FAM170B: variants seen among roughly 807,000 people sequenced by gnomAD.
FAM170B encodes protein FAM170B.
A neutral mutation model predicts 3.9 loss-of-function variants in FAM170B; 4 were observed. The ratio of observed to expected loss-of-function variants is 1.01; its 90% confidence interval spans 0.50 to 2.32. FAM170B has a LOEUF of 2.32. Ranked by LOEUF, FAM170B falls within the 30% of genes most tolerant of loss-of-function variation. The probability of loss-of-function intolerance (pLI) is 0.02; values close to 1 mark genes in which losing one functional copy is unlikely to be tolerated. For synonymous variants in FAM170B, 163 were observed against 149.8 expected (o/e 1.09, Z -0.64); for missense variants, 417 against 368.6 (o/e 1.13, Z -1.07).
At position 49,131,499 on chromosome 10, in the gene FAM170B, T is replaced by C; in HGVS notation, c.*114A>G. 1 of 1,404,740 alleles carries C rather than the reference T, an allele frequency of 7.1e-7. No individual in the cohort carries two copies. Among genetic ancestry groups the C allele is most frequent in the Non-Finnish European group, 9.4e-7 (1 of 1,066,692 alleles). The allele number at this position is 1,404,740 out of a possible 1,614,324, so 87.0% of individuals were successfully genotyped here. A position where few individuals can be genotyped will look rare whatever the true frequency, so the allele number is the denominator to read the frequency against. On this transcript the variant is annotated 3_prime_UTR_variant, in exon 2 of 2. Transcript: ENST00000311787. Reference sequence around the variant, plus strand: ...TTGCTCTACACTCCATGCCTTTCCTTCCCCCTGACCCTGGTCCTCTCTCCC... The same window carrying C: ...TTGCTCTACACTCCATGCCTTTCCTCCCCCCTGACCCTGGTCCTCTCTCCC...
At chr10:49,133,746 T>C in intron 1 of FAM170B, 61 bp downstream of exon 1, 1 of 1,413,076 alleles carries the variant, frequency 7.1e-7, no homozygotes, top group Non-Finnish European at 9.8e-7. Flanking sequence ...TCCCTTCCCA[T>C]CAGGGCTTCC....
chr10:49,132,271 T>G lies in FAM170B; in HGVS notation c.194A>C (p.Asp65Ala), dbSNP rs1845198372. Residue 65 changes from aspartate (D) to alanine (A), a missense_variant, in exon 2 of 2, where the codon GAC (aspartate) becomes GCC (alanine). Coordinates refer to ENST00000311787, the MANE Select transcript of FAM170B (RefSeq NM_001164484.2). ...GCTGCTCCAGTCCCGCATCCCCCGGTCCCTGGCAGCGAAGTAGAGGCCCTC... is the reference window on the plus strand; with the variant it reads ...GCTGCTCCAGTCCCGCATCCCCCGGGCCCTGGCAGCGAAGTAGAGGCCCTC... ...REEGLYFAARDRGMRDWSSSP... is the reference protein window; with the variant it reads ...REEGLYFAARARGMRDWSSSP... 6.4e-7 allele frequency: 1 copy of G among 1,551,240 alleles called. No homozygotes were observed. Among genetic ancestry groups the G allele is most frequent in the African/African-American group, 1.4e-5 (1 of 73,012 alleles).
At chr10:49,133,015 CTTCT>C (rs754550214) in intron 1 of FAM170B, among the ~76,000 whole-genome samples, 2 of 152,176 alleles carry the variant, frequency 1.3e-5, no homozygotes, top group African/African-American at 2.4e-5. Flanking sequence ...TTTGAAAAAT[CTTCT>C]TTATCATGAC....
chr10:49,133,329 T>G (rs1845210873), intron 1 of FAM170B, among the ~76,000 whole-genome samples: 1 of 152,156 alleles, frequency 6.6e-6, no homozygotes. Context: ...TTGTTAGGAT[T>G]CCCATTCAAC....
chr10:49,132,086 C>T lies in FAM170B; in HGVS notation c.379G>A (p.Ala127Thr). 1.3e-6 allele frequency: 2 copies of T among 1,551,694 alleles called. No homozygotes were observed. Among genetic ancestry groups the T allele is most frequent in the Non-Finnish European group, 8.7e-7 (1 of 1,147,000 alleles). Residue 127 changes from alanine to threonine, a missense_variant, in exon 2 of 2, where the codon GCC (alanine) becomes ACC (threonine). Coordinates refer to ENST00000311787, the MANE Select transcript of FAM170B (RefSeq NM_001164484.2). ...RGVAVAWETE[A>T]GFEPVTRKPR... ...TTCCTGGTGACCGGCTCGAAGCCGG[C>T]CTCCGTCTCCCAGGCCACAGCCACA...
rs1845217565 is a variant in FAM170B, at chr10:49,133,873, CG to C, written c.45del (p.Asp16MetfsTer7). On this transcript the variant is annotated frameshift_variant, in exon 1 of 2. Coordinates refer to ENST00000311787, the MANE Select transcript of FAM170B (RefSeq NM_001164484.2). LOFTEE classifies it high-confidence loss of function. ...FTDHRGEQSP[T>X]DGTTLSLTSP... The stretch of plus-strand genomic sequence containing the variant: ...CTGGTCAAGCTGAGGGTGGTCCCAT[CG>C]GTGGGTGACTGTTCTCCCCTGTGAT... The C allele has an allele frequency of 2.6e-6, 4 of 1,551,676 alleles. No individual in the cohort carries two copies. Among genetic ancestry groups the C allele is most frequent in the Non-Finnish European group, 2.6e-6 (3 of 1,146,994 alleles).
chr10:49,132,003 G>C lies in FAM170B; in HGVS notation c.462C>G (p.Phe154Leu), dbSNP rs1222175281. Residue 154 changes from phenylalanine to leucine, a missense_variant, in exon 2 of 2, where the codon TTC (phenylalanine) becomes TTG (leucine). Transcript: ENST00000311787. ...IKRQRWNGSS[F>L]EMASNTDMRW... ...GCATATCGGTGTTGGAAGCCATTTC[G>C]AAGGAGGAGCCGTTCCACCTCTGCC... 4 of 1,551,614 alleles carry C rather than the reference G, an allele frequency of 2.6e-6. No individual in the cohort carries two copies. Among genetic ancestry groups the C allele is most frequent in the Non-Finnish European group, 3.5e-6 (4 of 1,147,012 alleles).
rs539434803 is a variant in FAM170B at position 49,131,563 on chromosome 10, C to T, written c.*50G>A. 5.6e-5 allele frequency: 83 copies of T among 1,494,148 alleles called. No homozygotes were observed. In the African/African-American group the frequency reaches 1.1e-3, roughly 19 times the overall value. 92.6% of individuals were successfully genotyped at this position (1,494,148 alleles called of 1,614,324 possible). A position where few individuals can be genotyped will look rare whatever the true frequency, so the allele number is the denominator to read the frequency against. ...CTGATACTGCTGGCTGGGGAAGGAG[C>T]AGTCCCAGGCCCTGGAGGTGAGGGC... is the stretch of plus-strand genomic sequence containing the variant. On this transcript the variant is annotated 3_prime_UTR_variant, in exon 2 of 2. Transcript: ENST00000311787.
chr10:49,132,863 C>T (rs916875304), intron 1 of FAM170B, among the ~76,000 whole-genome samples: 1 of 150,576 alleles, frequency 6.6e-6, no homozygotes, highest in South Asian at 2.1e-4. Context: ...AAAAAGAGTC[C>T]ATGTCGTATA....
chr10:49,131,478 T>C lies in FAM170B; in HGVS notation c.*135A>G. On this transcript the variant is annotated 3_prime_UTR_variant, in exon 2 of 2. Transcript: ENST00000311787. ...CTTCCAGTCTCCTGGCCCTCCTTGC[T>C]CTACACTCCATGCCTTTCCTTCCCC... 7.7e-7 allele frequency: 1 copy of C among 1,305,390 alleles called. No homozygotes were observed. The allele number at this position is 1,305,390 out of a possible 1,614,324, so 80.9% of individuals were successfully genotyped here. A position where few individuals can be genotyped will look rare whatever the true frequency, so the allele number is the denominator to read the frequency against.
chr10:49,133,173 C>G (rs1229939237), intron 1 of FAM170B, among the ~76,000 whole-genome samples: 1 of 152,226 alleles, frequency 6.6e-6, no homozygotes, highest in Non-Finnish European at 1.5e-5. Context: ...CCAAGCCACC[C>G]AGACCCACCA....
chr10:49,133,900 C>A lies in FAM170B; in HGVS notation c.19G>T (p.Asp7Tyr), dbSNP rs571621993. 2.0e-5 allele frequency: 31 copies of A among 1,551,616 alleles called. No individual in the cohort carries two copies. The East Asian group carries it at 5.6e-4, about 28-fold the overall frequency. The change falls in exon 1 of 2, where the codon GAT becomes TAT. Residue 7 changes from aspartate to tyrosine, a missense_variant. By Grantham distance (160) the Asp-to-Tyr change is radical. Coordinates refer to ENST00000311787, the MANE Select transcript of FAM170B (RefSeq NM_001164484.2). ...GTGGGTGACTGTTCTCCCCTGTGAT[C>A]TGTGAAGTAGCATTTCATGATTTGA... MKCYFT[D>Y]HRGEQSPTDG...
Position 49,132,328 on chromosome 10 carries a change from G to A in FAM170B, c.137C>T (p.Ser46Phe). The stretch of plus-strand genomic sequence containing the variant: ...GGGAATGGCAGGCCCCGGCCGTGGG[G>A]ACGACCCTTCTCTCTGTATAGTCCC... The part of the protein sequence containing the change: ...WPGTIQREGS[S>F]PRPGPAIPRE... The change falls in exon 2 of 2, where the codon TCC becomes TTC. Residue 46 changes from serine (S) to phenylalanine (F), a missense_variant. Coordinates refer to ENST00000311787, the MANE Select transcript of FAM170B (RefSeq NM_001164484.2). 2.6e-6 allele frequency: 4 copies of A among 1,548,526 alleles called. No homozygotes were observed. The highest frequency in any genetic ancestry group is 3.5e-6 in the Non-Finnish European group (4 of 1,146,200).
chr10:49,132,449 G>A, intron 1 of FAM170B, 97 bp from the exon 2 acceptor site: 3 of 1,369,572 alleles, frequency 2.2e-6, no homozygotes, highest in Admixed American at 2.9e-5. Flanking sequence ...ACAGGCTCTG[G>A]GAGCTCTTGA....
In FAM170B at chr10:49,131,275, A is replaced by G. The variant is rs560729523; in HGVS notation, c.*338T>C. ...TTTGCAGTTGGCTGTCCTGTGACCCACATATACTTAGCAAGTGTGGACCTG... is the reference window on the plus strand; with the variant it reads ...TTTGCAGTTGGCTGTCCTGTGACCCGCATATACTTAGCAAGTGTGGACCTG... On this transcript the variant is annotated 3_prime_UTR_variant, in exon 2 of 2. Transcript: ENST00000311787. 1 of 281,232 alleles carries G rather than the reference A, an allele frequency of 3.6e-6. No homozygotes were observed. Among genetic ancestry groups the G allele is most frequent in the African/African-American group, 2.2e-5 (1 of 46,476 alleles). 17.4% of individuals were successfully genotyped at this position (281,232 alleles called of 1,614,324 possible). A position where few individuals can be genotyped will look rare whatever the true frequency, so the allele number is the denominator to read the frequency against.
chr10:49,132,153 C>T lies in FAM170B; in HGVS notation c.312G>A (p.Gln104=). 6.4e-7 allele frequency: 1 copy of T among 1,551,822 alleles called. No individual in the cohort carries two copies. The highest frequency in any genetic ancestry group is 8.7e-7 in the Non-Finnish European group (1 of 1,147,008). Residue 104 remains glutamine (Q), a synonymous_variant, in exon 2 of 2, where the codon CAG becomes CAA. Transcript: ENST00000311787. ...CGTGCGTGTAGAAGGCACACACACTCTGCGGAGCAGCATTGTCCTCATCGC... is the reference window on the plus strand; with the variant it reads ...CGTGCGTGTAGAAGGCACACACACTTTGCGGAGCAGCATTGTCCTCATCGC... ...CMCDEDNAAP[Q]SVCAFYTHVQ...
chr10:49,132,853 A>G (rs940738997), intron 1 of FAM170B, among the ~76,000 whole-genome samples: 6 of 152,156 alleles, frequency 3.9e-5, no homozygotes, highest in African/African-American at 1.4e-4. Context: ...AACAAAAAAA[A>G]AAAAGAGTCC....
In FAM170B at chr10:49,133,981, G is replaced by A; in HGVS notation, c.-63C>T. Reference sequence around the variant, plus strand: ...TGTTCAGTGAGAGTTGGCTGGGGCTGTACTGAAGGCCTCCAGCTGGCCCCA... The same window carrying A: ...TGTTCAGTGAGAGTTGGCTGGGGCTATACTGAAGGCCTCCAGCTGGCCCCA... On this transcript the variant is annotated 5_prime_UTR_variant, in exon 1 of 2. Coordinates refer to ENST00000311787, the MANE Select transcript of FAM170B (RefSeq NM_001164484.2). The A allele has an allele frequency of 1.2e-5, 16 of 1,330,392 alleles. No homozygotes were observed. The highest frequency in any genetic ancestry group is 2.5e-5 in the South Asian group (2 of 79,600). 82.4% of individuals were successfully genotyped at this position (1,330,392 alleles called of 1,614,324 possible). A position where few individuals can be genotyped will look rare whatever the true frequency, so the allele number is the denominator to read the frequency against.
intron 1 of FAM170B, among the ~76,000 whole-genome samples, chr10:49,133,440 G>A (rs115171227): frequency 0.01 from 1,523 of 152,234 alleles, 22 homozygotes; most frequent in African/African-American, 0.034. Flanking sequence ...ACGTCCCCGC[G>A]GTCTTCAAAT....
Sources: gnomAD v4.1 joint callset for allele counts (sites outside exome capture counted in the v4.1 genomes callset) on GRCh38, gnomAD v4.1.1 for gene constraint, MANE v1.5 for transcripts, NCBI Gene and HGNC (gene_info 2026-07-23, HGNC 2026-07-21) for gene names.